The following NOS1 variants were observed in gnomAD, a reference collection of about 807,000 sequenced individuals.
The protein encoded by NOS1 is nitric oxide synthase 1, also known as NOS type I.
In NOS1, 51 loss-of-function variants were observed where a neutral mutation model predicts 164.5. The ratio of observed to expected loss-of-function variants is 0.31; its 90% CI spans 0.25 to 0.39. The LOEUF is 0.39. Ranked by LOEUF, NOS1 falls within the 10% of genes least tolerant of loss-of-function variation. The pLI, the probability that NOS1 is intolerant of heterozygous loss-of-function variation, is 1.00. For synonymous variants in NOS1, 719 were observed against 745.8 expected (o/e 0.96, Z 0.59); for missense variants, 1,362 against 1,885.6 (o/e 0.72, Z 5.14).
rs766738321 is a variant in NOS1, at chr12:117,330,426, A to C, written c.644T>G (p.Leu215Arg). 4.8e-5 allele frequency: 77 copies of C among 1,614,004 alleles called. No homozygotes were observed. The highest frequency in any genetic ancestry group is 6.4e-5 in the Non-Finnish European group (76 of 1,180,040). ...LLKEIEPVLS[L>R]LTSGSRGVKG... ...GACCCCTCTGCTCCCACTGGTGAGA[A>C]GGCTCAGCACAGGCTCTATCTCCTT... The change falls in exon 2 of 29, where the codon CTT (leucine) becomes CGT (arginine). Residue 215 changes from leucine to arginine, a missense_variant. By Grantham distance (102) the Leu-to-Arg change is moderately radical. Around this residue, in one of 4 missense-constraint regions of NOS1, gnomAD observed 362 missense variants for 402.0 expected, o/e 0.90. Coordinates refer to ENST00000317775, the MANE Select transcript of NOS1 (RefSeq NM_000620.5). The surrounding 1 kb of genome is among the most constrained non-coding windows in gnomAD (Gnocchi z 4.6).
intron 3 of NOS1, among the ~76,000 whole-genome samples, chr12:117,304,197 A>G (rs951021361): frequency 1.3e-5 from 2 of 152,050 alleles, no homozygotes; most frequent in Admixed American, 1.3e-4. Flanking sequence ...AAAACACAAC[A>G]TGTGTCTCAG....
rs572182979 is a variant in NOS1 at position 117,215,679 on chromosome 12, C to T, written c.4290-355G>A. ...AACTCCTGACCTCAGGTGATCTGCC[C>T]GCCTCAGCCTCCCAAAGTGCTGGGA... On this transcript the variant is annotated intron_variant, in intron 28 of 28. Coordinates refer to ENST00000317775, the MANE Select transcript of NOS1 (RefSeq NM_000620.5). 1.1e-3 allele frequency among the ~76,000 whole-genome samples: 173 copies of T among 152,046 alleles called. 1 individual carries two copies. The highest frequency in any genetic ancestry group is 3.3e-3 in the African/African-American group (138 of 41,498).
At chr12:117,323,695 C>T (rs745982080) in intron 2 of NOS1, among the ~76,000 whole-genome samples, 1 of 152,300 alleles carries the variant, frequency 6.6e-6, no homozygotes, top group Admixed American at 6.5e-5. Flanking sequence ...TCTCTGCCTC[C>T]GACAACTGAG....
intron 1 of NOS1, among the ~76,000 whole-genome samples, chr12:117,359,876 T>TTATATATATATA (rs56787288): frequency 2.2e-4 from 8 of 36,948 alleles, no homozygotes; most frequent in South Asian, 1.1e-3. Flanking sequence ...AATAATGGTT[T>TTATATATATATA]TATATATATA....
chr12:117,255,997 G>A, intron 16 of NOS1: 4 of 1,475,694 alleles, frequency 2.7e-6, no homozygotes, highest in South Asian at 1.4e-5. Flanking sequence ...TTGGGGAGGG[G>A]AGGCCCTTTA....
At chr12:117,227,974 T>A (rs1868851619) in intron 22 of NOS1, among the ~76,000 whole-genome samples, 1 of 151,576 alleles carries the variant, frequency 6.6e-6, no homozygotes, top group Admixed American at 6.6e-5. Flanking sequence ...GAGGCTGCCA[T>A]GAGCTATGAT....
chr12:117,328,066 TCCTA>T (rs1875343596), intron 2 of NOS1, among the ~76,000 whole-genome samples: 1 of 152,072 alleles, frequency 6.6e-6, no homozygotes, highest in Admixed American at 6.6e-5. Flanking sequence ...TTAAGCACAC[TCCTA>T]CCTGAGGACT....
intron 3 of NOS1, among the ~76,000 whole-genome samples, chr12:117,295,484 C>G (rs1044281083): frequency 6.6e-6 from 1 of 152,088 alleles, no homozygotes; most frequent in Non-Finnish European, 1.5e-5. Context: ...CCCACAAAGC[C>G]AAAAATATTT....
intron 3 of NOS1, among the ~76,000 whole-genome samples, chr12:117,295,671 G>A (rs1191248420): frequency 1.4e-5 from 2 of 142,852 alleles, no homozygotes; most frequent in Admixed American, 7.4e-5. Context: ...AGGCTGAAGT[G>A]CAGTGGTGTG....
At chr12:117,244,804 G>T (rs1870491176) in intron 18 of NOS1, among the ~76,000 whole-genome samples, 1 of 152,172 alleles carries the variant, frequency 6.6e-6, no homozygotes, top group African/African-American at 2.4e-5. Flanking sequence ...AGTCACAAAA[G>T]ACCACATATT....
At chr12:117,217,093 A>C (rs1956623667) in intron 28 of NOS1, among the ~76,000 whole-genome samples, 1 of 152,176 alleles carries the variant, frequency 6.6e-6, no homozygotes, top group African/African-American at 2.4e-5. Flanking sequence ...TTAAATCATG[A>C]GACCCGGGCA....
chr12:117,211,214 T>C lies in NOS1; in HGVS notation c.*4095A>G. On this transcript the variant is annotated 3_prime_UTR_variant, in exon 29 of 29. Coordinates refer to ENST00000317775, the MANE Select transcript of NOS1 (RefSeq NM_000620.5). ...CTCAACTGATACACCCACCTCGGCCTCCCAAAGTGCTGGGATTACAGACAT... is the reference window on the plus strand; with the variant it reads ...CTCAACTGATACACCCACCTCGGCCCCCCAAAGTGCTGGGATTACAGACAT... 1 of 980,628 alleles carries C rather than the reference T, an allele frequency of 1.0e-6. No homozygotes were observed. The highest frequency in any genetic ancestry group is 1.2e-6 in the Non-Finnish European group (1 of 825,602). 60.7% of individuals were successfully genotyped at this position (980,628 alleles called of 1,614,324 possible).
intron 10 of NOS1, among the ~76,000 whole-genome samples, chr12:117,271,882 C>T (rs1231415290): frequency 1.3e-5 from 2 of 152,190 alleles, no homozygotes; most frequent in Non-Finnish European, 1.5e-5. Context: ...GAGTGGGGAA[C>T]CACTGCCAAC....
In NOS1 at chr12:117,211,399, C is replaced by CA. The variant is rs1566018933; in HGVS notation, c.*3909_*3910insT. 3.0e-6 allele frequency: 3 copies of CA among 985,366 alleles called. No homozygotes were observed. In the African/African-American group the frequency reaches 5.2e-5, roughly 17 times the overall value. 61.0% of individuals were successfully genotyped at this position (985,366 alleles called of 1,614,324 possible). Reference sequence around the variant, plus strand: ...AGCCTTGGTTGCAGCAATAACCCCCCCAACAGCTCAACGGGCCATGCTCTG... The same window carrying CA: ...AGCCTTGGTTGCAGCAATAACCCCCCACAACAGCTCAACGGGCCATGCTCTG... On this transcript the variant is annotated 3_prime_UTR_variant, in exon 29 of 29. Coordinates refer to ENST00000317775, the MANE Select transcript of NOS1 (RefSeq NM_000620.5).
intron 20 of NOS1, among the ~76,000 whole-genome samples, chr12:117,235,306 G>A (rs1869613071): frequency 6.6e-6 from 1 of 152,110 alleles, no homozygotes; most frequent in African/African-American, 2.4e-5. Context: ...ATCTGGATCT[G>A]GAAGCAGTAT....
chr12:117,225,311 T>C (rs1347234152), intron 24 of NOS1, among the ~76,000 whole-genome samples, 174 bp from the exon 25 acceptor site: 2 of 152,034 alleles, frequency 1.3e-5, no homozygotes, highest in African/African-American at 4.8e-5. Flanking sequence ...TTAGGGGAAT[T>C]CCAAAAATGG....
At chr12:117,255,400 A>G (rs1159796821) in intron 16 of NOS1, among the ~76,000 whole-genome samples, 2 of 152,230 alleles carry the variant, frequency 1.3e-5, no homozygotes. Context: ...AGAAATGAGA[A>G]AATTAAAAAA....
At chr12:117,275,552 T>C (rs1385058554) in intron 9 of NOS1, among the ~76,000 whole-genome samples, 1 of 152,116 alleles carries the variant, frequency 6.6e-6, no homozygotes, top group Admixed American at 6.5e-5. Flanking sequence ...TACAAAATTA[T>C]AGCTAGAAAG....
At chr12:117,301,416 A>C (rs1873807095) in intron 3 of NOS1, among the ~76,000 whole-genome samples, 1 of 152,182 alleles carries the variant, frequency 6.6e-6, no homozygotes, top group South Asian at 2.1e-4. Context: ...GGCATGAGCT[A>C]CACCTGGCCT....
Sources: gnomAD v4.1 joint callset for allele counts (sites outside exome capture counted in the v4.1 genomes callset) on GRCh38, gnomAD v4.1.1 for gene constraint, gnomAD v4.1.1 regional missense constraint, Gnocchi (gnomAD v3.1) non-coding constraint, MANE v1.5 for transcripts, NCBI Gene and HGNC (gene_info 2026-07-23, HGNC 2026-07-21) for gene names.